The following KANK1 variants were observed in gnomAD, a reference collection of about 807,000 sequenced individuals.
KANK1 encodes the protein KN motif and ankyrin repeat domain-containing protein 1.
Under a neutral mutation model 106.2 loss-of-function variants are expected in KANK1, and 109 were observed. The ratio of observed to expected loss-of-function variants is 1.03; its 90% CI spans 0.88 to 1.20. The LOEUF (loss-of-function observed/expected upper bound fraction) is 1.20. KANK1 is among the 50% of genes most tolerant of loss of function. The pLI is 0.00. For synonymous variants in KANK1, 873 were observed against 652.2 expected (o/e 1.34, Z -5.16); for missense variants, 2,399 against 1,710.7 (o/e 1.40, Z -7.10).
At chr9:577,215 C>A (rs1231968437) in intron 1 of KANK1, among the ~76,000 whole-genome samples, 1 of 152,216 alleles carries the variant, frequency 6.6e-6, no homozygotes, top group Admixed American at 6.5e-5. Context: ...AGATTTTATT[C>A]CCTTATTTGG....
chr9:637,400 A>G (rs1173234597), intron 1 of KANK1, among the ~76,000 whole-genome samples: 1 of 152,300 alleles, frequency 6.6e-6, no homozygotes, highest in South Asian at 2.1e-4. Context: ...CATTCATTTC[A>G]TTGTGACTAA....
chr9:588,693 T>A (rs1588062134), intron 1 of KANK1, among the ~76,000 whole-genome samples: 2 of 152,220 alleles, frequency 1.3e-5, no homozygotes. Context: ...CTGGTTTATT[T>A]CTATCTAGCA....
intron 1 of KANK1, among the ~76,000 whole-genome samples, chr9:579,051 C>T (rs1336829103): frequency 2.0e-5 from 3 of 152,118 alleles, no homozygotes; most frequent in Admixed American, 6.5e-5. Context: ...CCAGCTGAAG[C>T]AGAGTATTCC....
intron 11 of KANK1, 111 bp downstream of exon 11, chr9:744,700 G>C: frequency 6.3e-7 from 1 of 1,591,884 alleles, no homozygotes; most frequent in Non-Finnish European, 8.6e-7. Context: ...TCAGAAAATG[G>C]AAGTTTTAGT....
intron 1 of KANK1, among the ~76,000 whole-genome samples, chr9:607,581 T>G (rs1218825670): frequency 6.6e-6 from 1 of 151,366 alleles, no homozygotes; most frequent in Non-Finnish European, 1.5e-5. Context: ...CTTGTGCAGA[T>G]TCCTGCTCCT....
At chr9:484,557 A>G (rs1472629128) in intron 3 of KANK1, 1 of 152,256 alleles carries the variant, frequency 6.6e-6, no homozygotes, top group African/African-American at 2.4e-5. Context: ...TCATTCTAAT[A>G]CATTACCTCA....
At chr9:742,065 A>G (rs1346962088) in intron 9 of KANK1, 140 bp from the exon 10 acceptor site, 9 of 719,750 alleles carry the variant, frequency 1.3e-5, no homozygotes, top group Non-Finnish European at 2.1e-5. Context: ...GCTTGCCACC[A>G]CCTGCCCCAA....
At chr9:655,980 C>G (rs1428369611) in intron 1 of KANK1, among the ~76,000 whole-genome samples, 1 of 152,168 alleles carries the variant, frequency 6.6e-6, no homozygotes, top group Non-Finnish European at 1.5e-5. Flanking sequence ...TCCTCCTTGC[C>G]TCAGACCCTG....
intron 1 of KANK1, among the ~76,000 whole-genome samples, chr9:550,210 TC>T (rs1477448326): frequency 1.4e-5 from 2 of 143,728 alleles, no homozygotes; most frequent in African/African-American, 5.0e-5. Flanking sequence ...CCGCCTCCCC[TC>T]CCCCCAGGGA....
intron 2 of KANK1, chr9:684,636 G>T: frequency 3.2e-6 from 3 of 949,112 alleles, no homozygotes; most frequent in Non-Finnish European, 3.8e-6. Context: ...AGTTGGGTGG[G>T]CTAGCTGAGC....
intron 3 of KANK1, among the ~76,000 whole-genome samples, chr9:483,628 T>C (rs1484479251): frequency 1.3e-5 from 2 of 152,188 alleles, no homozygotes; most frequent in Non-Finnish European, 2.9e-5. Flanking sequence ...ATGGTAAGGT[T>C]CCTGGTGCCA....
intron 1 of KANK1, among the ~76,000 whole-genome samples, chr9:664,600 A>G (rs1360070411): frequency 6.6e-6 from 1 of 152,184 alleles, no homozygotes; most frequent in Non-Finnish European, 1.5e-5. Context: ...GGTTGATTCC[A>G]TATTTTGTCT....
intron 1 of KANK1, among the ~76,000 whole-genome samples, chr9:590,405 C>G (rs574136013): frequency 6.6e-6 from 1 of 152,244 alleles, no homozygotes; most frequent in Non-Finnish European, 1.5e-5. Context: ...TCTACGCTGC[C>G]TCCTCTCCAT....
At chr9:592,427 C>CA (rs1179517182) in intron 1 of KANK1, among the ~76,000 whole-genome samples, 2 of 151,770 alleles carry the variant, frequency 1.3e-5, no homozygotes, top group Non-Finnish European at 2.9e-5. Flanking sequence ...ATGCCCGCAG[C>CA]ACTGGCTTGT....
At chr9:574,637 C>G (rs567906522) in intron 1 of KANK1, among the ~76,000 whole-genome samples, 1 of 151,644 alleles carries the variant, frequency 6.6e-6, no homozygotes, top group Non-Finnish European at 1.5e-5. Flanking sequence ...CGGGTGGATC[C>G]TGAGGTGAGG....
intron 1 of KANK1, among the ~76,000 whole-genome samples, chr9:628,649 C>G (rs1332395524): frequency 6.6e-6 from 1 of 152,142 alleles, no homozygotes; most frequent in Admixed American, 6.5e-5. Context: ...TTCAAATCTT[C>G]AGGGGAGATT....
At chr9:502,488 A>G (rs2058573527), upstream of KANK1, among the ~76,000 whole-genome samples, 1 of 151,918 alleles carries the variant, frequency 6.6e-6, no homozygotes, top group Admixed American at 6.6e-5. Flanking sequence ...GGGAGAAATA[A>G]AGGAGAGGTG....
chr9:493,659 T>G (rs1411124558), intron 3 of KANK1, among the ~76,000 whole-genome samples: 2 of 147,506 alleles, frequency 1.4e-5, no homozygotes, highest in Non-Finnish European at 3.0e-5. Context: ...GCAATTCTCC[T>G]GCCTCAGCCT....
chr9:506,553 T>TGCGTGC (rs944935575), intron 1 of KANK1, among the ~76,000 whole-genome samples: 2 of 148,640 alleles, frequency 1.3e-5, no homozygotes, highest in Non-Finnish European at 1.5e-5. Flanking sequence ...TGTGTGCGTG[T>TGCGTGC]GCGTGCGCGC....
Sources: gnomAD v4.1 joint callset for allele counts (sites outside exome capture counted in the v4.1 genomes callset) on GRCh38, gnomAD v4.1.1 for gene constraint, MANE v1.5 for transcripts, NCBI Gene and HGNC (gene_info 2026-07-23, HGNC 2026-07-21) for gene names.